The following CSMD1 variants were observed in gnomAD, a reference collection of about 807,000 sequenced individuals.
The protein encoded by CSMD1 is CUB and Sushi multiple domains 1, also known as CUB and sushi domain-containing protein 1.
A neutral mutation model predicts 417.5 loss-of-function variants in CSMD1; 213 were observed. The ratio of observed to expected loss-of-function variants is 0.51; its 90% CI spans 0.46 to 0.57. CSMD1 has a LOEUF of 0.57. CSMD1 is among the 20% of genes least tolerant of loss of function. The pLI is 0.00. For missense variants in CSMD1, 6,923 were observed against 4,529.7 expected, an observed-to-expected ratio of 1.53 and a Z score of -15.17; for synonymous variants, 2,862 against 1,736.8, an observed-to-expected ratio of 1.65 and a Z score of -16.11.
intron 3 of CSMD1, among the ~76,000 whole-genome samples, chr8:4,307,800 A>G (rs988687773): frequency 6.6e-6 from 1 of 152,164 alleles, no homozygotes; most frequent in Non-Finnish European, 1.5e-5. Context: ...ACCTCTCTAC[A>G]CTACAGTCTG....
At chr8:3,100,498 G>A (rs996327722) in intron 46 of CSMD1, among the ~76,000 whole-genome samples, 1 of 152,174 alleles carries the variant, frequency 6.6e-6, no homozygotes, top group African/African-American at 2.4e-5. Context: ...TCCTATAGCT[G>A]AGATGTTTAT....
chr8:3,046,638 G>C (rs1448501736), intron 50 of CSMD1, among the ~76,000 whole-genome samples: 1 of 152,056 alleles, frequency 6.6e-6, no homozygotes, highest in Non-Finnish European at 1.5e-5. Flanking sequence ...GCAGGCCTTG[G>C]CAGCGTTACA....
chr8:3,900,483 T>G (rs1212550073), intron 5 of CSMD1, among the ~76,000 whole-genome samples: 2 of 145,436 alleles, frequency 1.4e-5, no homozygotes, highest in African/African-American at 5.2e-5. Flanking sequence ...CTGTACCTGG[T>G]TGACAGTGTA....
chr8:4,923,343 C>T (rs1443358118), intron 1 of CSMD1, among the ~76,000 whole-genome samples: 4 of 152,056 alleles, frequency 2.6e-5, no homozygotes, highest in Non-Finnish European at 5.9e-5. Flanking sequence ...GAACAGTTAA[C>T]TTCTTAAAGG....
intron 3 of CSMD1, among the ~76,000 whole-genome samples, chr8:4,214,995 C>T (rs1188677231): frequency 1.3e-5 from 2 of 152,168 alleles, no homozygotes; most frequent in Non-Finnish European, 2.9e-5. Flanking sequence ...GTCAGGATTA[C>T]TGAGAAAGTC....
At chr8:4,045,379 T>A (rs546914937) in intron 3 of CSMD1, among the ~76,000 whole-genome samples, 1 of 152,228 alleles carries the variant, frequency 6.6e-6, no homozygotes, top group African/African-American at 2.4e-5. Flanking sequence ...ACACTGTCAT[T>A]TAAAACAGTG....
intron 7 of CSMD1, among the ~76,000 whole-genome samples, chr8:3,655,364 C>G (rs999308282): frequency 6.6e-6 from 1 of 152,192 alleles, no homozygotes; most frequent in Non-Finnish European, 1.5e-5. Flanking sequence ...GCGAATTTGG[C>G]AGTGATTTTC....
chr8:3,071,620 T>G (rs147213390), intron 49 of CSMD1, among the ~76,000 whole-genome samples: 2 of 152,220 alleles, frequency 1.3e-5, no homozygotes, highest in Non-Finnish European at 2.9e-5. Flanking sequence ...ATTTCTCACA[T>G]GATTTTCAAA....
chr8:3,438,305 G>C (rs1255140460), intron 12 of CSMD1, among the ~76,000 whole-genome samples: 2 of 152,094 alleles, frequency 1.3e-5, no homozygotes, highest in Admixed American at 6.6e-5. Flanking sequence ...GCAGAATTTT[G>C]CAAAACTGTA....
intron 3 of CSMD1, among the ~76,000 whole-genome samples, chr8:4,384,880 T>C (rs149481517): frequency 1.3e-3 from 172 of 128,046 alleles, no homozygotes; most frequent in African/African-American, 4.2e-3. Flanking sequence ...ACTGCTCTAA[T>C]TTCTGGTGAC....
chr8:3,638,640 A>C (rs1238981593), intron 7 of CSMD1, among the ~76,000 whole-genome samples: 3 of 152,152 alleles, frequency 2.0e-5, no homozygotes, highest in Non-Finnish European at 4.4e-5. Flanking sequence ...GGAGCAGGTG[A>C]AACATGGGCA....
chr8:4,306,220 C>T (rs1235848047), intron 3 of CSMD1, among the ~76,000 whole-genome samples: 1 of 152,154 alleles, frequency 6.6e-6, no homozygotes, highest in African/African-American at 2.4e-5. Flanking sequence ...CAGAAAAGTT[C>T]TTCCAAAATA....
intron 10 of CSMD1, among the ~76,000 whole-genome samples, chr8:3,551,406 G>C (rs1266184090): frequency 1.3e-5 from 2 of 152,050 alleles, no homozygotes; most frequent in South Asian, 2.1e-4. Flanking sequence ...AATGCTTTAG[G>C]TTGCAGTAAA....
At chr8:3,147,251 T>C (rs1159402271) in intron 40 of CSMD1, among the ~76,000 whole-genome samples, 1 of 152,220 alleles carries the variant, frequency 6.6e-6, no homozygotes, top group Non-Finnish European at 1.5e-5. Flanking sequence ...GAGTTTTGAT[T>C]TGTCATGCTG....
At position 3,215,773 on chromosome 8, in the gene CSMD1, T is replaced by C. The variant is rs553506145; in HGVS notation, c.4673-1082A>G. Among the ~76,000 whole-genome samples, 21 of 152,154 alleles carry C rather than the reference T, an allele frequency of 1.4e-4. No individual in the cohort carries two copies. The South Asian group carries it at 4.1e-3, about 30-fold the overall frequency. ...CTGCAGTCTACCACCCTGCTAGAAA[T>C]AGATAAATATAATGGGAGAGGAAAA... On this transcript the variant is annotated intron_variant, in intron 29 of 69. Coordinates refer to ENST00000635120, the MANE Select transcript of CSMD1 (RefSeq NM_033225.6).
intron 37 of CSMD1, among the ~76,000 whole-genome samples, chr8:3,180,424 A>C (rs1563116803): frequency 6.6e-6 from 1 of 152,192 alleles, no homozygotes; most frequent in African/African-American, 2.4e-5. Flanking sequence ...TATGACCATA[A>C]TCTAGGCAGA....
intron 10 of CSMD1, among the ~76,000 whole-genome samples, chr8:3,508,154 C>G (rs941529975): frequency 6.6e-6 from 1 of 152,148 alleles, no homozygotes; most frequent in Non-Finnish European, 1.5e-5. Context: ...TGTTCTCACT[C>G]ATAGGTGGGA....
chr8:4,943,368 C>T (rs980110333), intron 1 of CSMD1, among the ~76,000 whole-genome samples: 1 of 151,768 alleles, frequency 6.6e-6, no homozygotes, highest in Non-Finnish European at 1.5e-5. Flanking sequence ...TGGTGGTGGA[C>T]GCCTGTAGTC....
intron 6 of CSMD1, among the ~76,000 whole-genome samples, chr8:3,716,390 A>C (rs1297929810): frequency 1.3e-5 from 2 of 152,202 alleles, no homozygotes; most frequent in Non-Finnish European, 2.9e-5. Context: ...CTGGTTGCCC[A>C]TTTTTATGGT....
Sources: gnomAD v4.1 joint callset for allele counts (sites outside exome capture counted in the v4.1 genomes callset) on GRCh38, gnomAD v4.1.1 for gene constraint, MANE v1.5 for transcripts, NCBI Gene and HGNC (gene_info 2026-07-23, HGNC 2026-07-21) for gene names.